NQO2: variants seen among roughly 807,000 people sequenced by gnomAD.
NQO2 encodes the protein N-ribosyldihydronicotinamide:quinone dehydrogenase 2.
Under a neutral mutation model 22.0 loss-of-function variants are expected in NQO2, and 18 were observed. The observed-to-expected ratio is 0.82, with a 90% CI of 0.56 to 1.21. The LOEUF (loss-of-function observed/expected upper bound fraction) is 1.21. Ranked by LOEUF, NQO2 falls within the 50% of genes most tolerant of loss-of-function variation. The pLI is 0.00. For missense variants in NQO2, 267 were observed against 286.9 expected, an observed-to-expected ratio of 0.93 and a Z score of 0.50; for synonymous variants, 106 against 110.8, an observed-to-expected ratio of 0.96 and a Z score of 0.28.
chr6:3,002,808 T>C (rs559136009), intron 1 of NQO2, among the ~76,000 whole-genome samples: 158 of 152,092 alleles, frequency 1.0e-3, no homozygotes, highest in African/African-American at 3.8e-3. Flanking sequence ...TTACTTTCTC[T>C]TTTTTCTTGA....
intron 2 of NQO2, 22 bp from the exon 3 acceptor site, chr6:3,010,003 A>T (rs1468961732): frequency 6.3e-7 from 1 of 1,594,554 alleles, no homozygotes; most frequent in Non-Finnish European, 8.6e-7. Context: ...TTCAAGAGGA[A>T]CTGTTTCTTA....
At position 3,006,844 on chromosome 6, in the gene NQO2, G is replaced by A; in HGVS notation, c.7+285G>A. 2.2e-6 allele frequency: 1 copy of A among 448,502 alleles called. No homozygotes were observed. The highest frequency in any genetic ancestry group is 3.9e-6 in the Non-Finnish European group (1 of 255,924). The allele number at this position is 448,502 out of a possible 1,614,324, so 27.8% of individuals were successfully genotyped here. ...TTAGGTTCCTCAAAAGTGGGGCCCTGCCTATCCTGTCTTTGCTGTGCCTCC... is the reference window on the plus strand; with the variant it reads ...TTAGGTTCCTCAAAAGTGGGGCCCTACCTATCCTGTCTTTGCTGTGCCTCC... On this transcript the variant is annotated intron_variant, in intron 2 of 6. Coordinates refer to ENST00000380455, the MANE Select transcript of NQO2 (RefSeq NM_000904.6). This position sits in a 1 kb window ranked among gnomAD's most constrained non-coding sequence, Gnocchi z 4.0.
chr6:3,019,117 A>C (rs1248266207), intron 6 of NQO2, among the ~76,000 whole-genome samples: 1 of 152,158 alleles, frequency 6.6e-6, no homozygotes, highest in Non-Finnish European at 1.5e-5. Context: ...CTTCCATGGT[A>C]TATATTATAG....
chr6:3,005,773 C>T (rs1231806216), intron 1 of NQO2: 8 of 985,246 alleles, frequency 8.1e-6, no homozygotes, highest in Admixed American at 6.2e-5. Flanking sequence ...TGCCAGCCAC[C>T]GCACATAGCA....
intron 3 of NQO2, among the ~76,000 whole-genome samples, chr6:3,010,422 G>C (rs1279738090): frequency 6.6e-6 from 1 of 151,774 alleles, no homozygotes; most frequent in Non-Finnish European, 1.5e-5. Context: ...GACGGTAAGA[G>C]ATTGGACTAT....
chr6:3,001,448 G>A (rs533279612), intron 1 of NQO2, among the ~76,000 whole-genome samples: 9 of 152,118 alleles, frequency 5.9e-5, no homozygotes, highest in Admixed American at 5.2e-4. Flanking sequence ...TTTAATCTCC[G>A]AAGATCACAG....
At chr6:3,005,534 C>A in intron 1 of NQO2, 1 of 446,348 alleles carries the variant, frequency 2.2e-6, no homozygotes, top group Non-Finnish European at 3.0e-6. Context: ...ACCATTCATA[C>A]ATCTTTGGAG....
intron 6 of NQO2, 179 bp from the exon 7 acceptor site, chr6:3,019,300 T>C (rs988405417): frequency 2.6e-5 from 25 of 959,752 alleles, no homozygotes; most frequent in Non-Finnish European, 3.1e-5. Flanking sequence ...ACGGCTCTTA[T>C]GCAAGGCTGT....
At chr6:3,002,919 A>G (rs1178180351) in intron 1 of NQO2, among the ~76,000 whole-genome samples, 1 of 151,994 alleles carries the variant, frequency 6.6e-6, no homozygotes, top group African/African-American at 2.4e-5. Flanking sequence ...ACACCTGGCT[A>G]ATTTTTAAAA....
intron 1 of NQO2, among the ~76,000 whole-genome samples, chr6:3,000,667 G>A (rs927253022): frequency 6.6e-6 from 1 of 151,530 alleles, no homozygotes; most frequent in African/African-American, 2.4e-5. Flanking sequence ...TCAGCCTCCC[G>A]AGTACCTGGG....
chr6:3,006,563 A>G lies in NQO2; in HGVS notation c.7+4A>G, dbSNP rs1378000794. 1.9e-6 allele frequency: 3 copies of G among 1,604,846 alleles called. No individual in the cohort carries two copies. The highest frequency in any genetic ancestry group is 2.6e-6 in the Non-Finnish European group (3 of 1,176,138). On this transcript the variant is annotated splice_donor_region_variant and intron_variant, in intron 2 of 6. Transcript: ENST00000380455. The surrounding 1 kb of genome is among the most constrained non-coding windows in gnomAD (Gnocchi z 4.0). ...CCACCTTCTTACGCTATGGCAGGTA[A>G]TGATTCACTATTGTGGAGTAAGACT...
Position 3,019,663 on chromosome 6 carries a change from G to A in NQO2, c.*8G>A. 6.3e-7 allele frequency: 1 copy of A among 1,594,744 alleles called. No individual in the cohort carries two copies. Among genetic ancestry groups the A allele is most frequent in the Non-Finnish European group, 8.6e-7 (1 of 1,168,522 alleles). ...TGGCACTTCGGGCAATAACTCTGTG[G>A]CACGTGGGCATCACGTAAGCAGCAC... On this transcript the variant is annotated 3_prime_UTR_variant, in exon 7 of 7. Coordinates refer to ENST00000380455, the MANE Select transcript of NQO2 (RefSeq NM_000904.6).
intron 5 of NQO2, among the ~76,000 whole-genome samples, chr6:3,016,304 G>A (rs113692773): frequency 1.5e-3 from 222 of 151,912 alleles, no homozygotes; most frequent in Non-Finnish European, 2.4e-3. Flanking sequence ...GGTGGTAGGC[G>A]CCTGTAGTCC....
At chr6:3,007,350 TC>T (rs1756988330) in intron 2 of NQO2, among the ~76,000 whole-genome samples, 1 of 152,172 alleles carries the variant, frequency 6.6e-6, no homozygotes, top group Admixed American at 6.5e-5. Flanking sequence ...TTGCATCTAT[TC>T]TCCTGTTAAG....
intron 2 of NQO2, among the ~76,000 whole-genome samples, chr6:3,008,735 GA>G (rs1358719429): frequency 1.3e-5 from 2 of 152,186 alleles, no homozygotes; most frequent in Non-Finnish European, 2.9e-5. Flanking sequence ...TAAACGGACA[GA>G]GTACAAAAGA....
At position 3,016,949 on chromosome 6, in the gene NQO2, C is replaced by T. The variant is rs1757348791; in HGVS notation, c.483C>T (p.Val161=). The change falls in exon 6 of 7, where the codon GTC becomes GTT. Residue 161 remains valine, a synonymous_variant. Coordinates refer to ENST00000380455, the MANE Select transcript of NQO2 (RefSeq NM_000904.6). ...CCGAGATGTACACGAAGACAGGAGT[C>T]AATGGAGATTCTCGATACTTCCTGT... ...GTAEMYTKTG[V]NGDSRYFLWP... The T allele has an allele frequency of 6.2e-7, 1 of 1,614,082 alleles. No individual in the cohort carries two copies. Among genetic ancestry groups the T allele is most frequent in the Admixed American group, 1.7e-5 (1 of 60,024 alleles).
At position 3,006,909 on chromosome 6, in the gene NQO2, G is replaced by C; in HGVS notation, c.7+350G>C. The stretch of plus-strand genomic sequence containing the variant: ...TCCCTGGGCTGTAGCAGGGGCTCAA[G>C]TGAATGAACCCCAGGAGGCATCTTG... On this transcript the variant is annotated intron_variant, in intron 2 of 6. Coordinates refer to ENST00000380455, the MANE Select transcript of NQO2 (RefSeq NM_000904.6). The surrounding 1 kb of genome is among the most constrained non-coding windows in gnomAD (Gnocchi z 4.0). 1 of 410,652 alleles carries C rather than the reference G, an allele frequency of 2.4e-6. No homozygotes were observed. The highest frequency in any genetic ancestry group is 4.3e-6 in the Non-Finnish European group (1 of 233,014). 25.4% of individuals were successfully genotyped at this position (410,652 alleles called of 1,614,324 possible). A position where few individuals can be genotyped will look rare whatever the true frequency, so the allele number is the denominator to read the frequency against.
At chr6:3,011,899 C>G (rs1223267743) in intron 3 of NQO2, among the ~76,000 whole-genome samples, 2 of 152,108 alleles carry the variant, frequency 1.3e-5, no homozygotes, top group African/African-American at 4.8e-5. Context: ...AATGCACCAC[C>G]ACCAGACCCA....
At chr6:3,013,048 C>T (rs1450945095) in intron 4 of NQO2, among the ~76,000 whole-genome samples, 13 of 146,340 alleles carry the variant, frequency 8.9e-5, no homozygotes, top group South Asian at 2.2e-4. Context: ...CTCCGCCTCC[C>T]GGGTTCACGC....
Sources: allele counts gnomAD v4.1 joint callset (sites outside exome capture counted in the v4.1 genomes callset), GRCh38; gene constraint gnomAD v4.1.1; non-coding constraint Gnocchi (gnomAD v3.1); transcripts MANE v1.5; gene names NCBI Gene and HGNC (gene_info 2026-07-23, HGNC 2026-07-21).